EIF3E: variants seen among roughly 807,000 people sequenced by gnomAD.
The protein encoded by EIF3E is eukaryotic translation initiation factor 3 subunit E, also known as eIF-3 p48.
A neutral mutation model predicts 59.3 loss-of-function variants in EIF3E; 25 were observed. The ratio of observed to expected loss-of-function variants is 0.42; its 90% CI spans 0.31 to 0.59. The LOEUF (loss-of-function observed/expected upper bound fraction) is 0.59, where lower values mean the gene tolerates loss of function less well. Ranked by LOEUF, EIF3E falls within the 20% of genes least tolerant of loss-of-function variation. The pLI is 0.15. For synonymous variants in EIF3E, 176 were observed against 170.2 expected (o/e 1.03, Z -0.26); for missense variants, 317 against 534.3 (o/e 0.59, Z 4.01).
chr8:108,213,563 TC>T lies in EIF3E; in HGVS notation c.1061+1043del, dbSNP rs1182698582. Among the ~76,000 whole-genome samples the T allele has an allele frequency of 5.3e-5, 8 of 152,244 alleles. No individual in the cohort carries two copies. In the East Asian group the frequency reaches 1.5e-3, roughly 29 times the overall value. On this transcript the variant is annotated intron_variant, in intron 10 of 12. Transcript: ENST00000220849. ...TACAAGGGAAACCAAAATACTAACA[TC>T]CCTCTTTCACAAGCCCTAATTACAA...
At chr8:108,228,184 T>G in intron 7 of EIF3E, 83 bp downstream of exon 7, 1 of 1,359,468 alleles carries the variant, frequency 7.4e-7, no homozygotes, top group Non-Finnish European at 9.7e-7. Flanking sequence ...ATTCAAATGA[T>G]AGAAAAAAGT....
Position 108,201,865 on chromosome 8 carries a change from C to A in EIF3E, c.*20G>T. Reference sequence around the variant, plus strand: ...ATCTTTCTTTGATAGTTTTTTTTTTCATCTTTTCTTTATGGTTCTTCAGTA... The same window carrying A: ...ATCTTTCTTTGATAGTTTTTTTTTTAATCTTTTCTTTATGGTTCTTCAGTA... On this transcript the variant is annotated 3_prime_UTR_variant, in exon 13 of 13. Coordinates refer to ENST00000220849, the MANE Select transcript of EIF3E (RefSeq NM_001568.3). The A allele has an allele frequency of 6.9e-7, 1 of 1,455,580 alleles. No individual in the cohort carries two copies. Among genetic ancestry groups the A allele is most frequent in the South Asian group, 1.6e-5 (1 of 62,132 alleles). The allele number at this position is 1,455,580 out of a possible 1,614,324, so 90.2% of individuals were successfully genotyped here.
chr8:108,243,638 GAAAAAAAA>G (rs779684560), intron 1 of EIF3E, among the ~76,000 whole-genome samples: 3 of 70,978 alleles, frequency 4.2e-5, no homozygotes, highest in African/African-American at 1.4e-4. Flanking sequence ...CAAAAAAAAA[GAAAAAAAA>G]AAAAAAAAAA....
At chr8:108,228,475 G>A in intron 6 of EIF3E, 84 bp from the exon 7 acceptor site, 3 of 1,119,412 alleles carry the variant, frequency 2.7e-6, no homozygotes, top group Non-Finnish European at 3.5e-6. Flanking sequence ...CTTCAAAACT[G>A]TAATTAAAAA....
At chr8:108,240,456 G>A (rs187834633) in intron 2 of EIF3E, among the ~76,000 whole-genome samples, 2 of 152,220 alleles carry the variant, frequency 1.3e-5, no homozygotes, top group Admixed American at 1.3e-4. Flanking sequence ...TTTCTTAGGT[G>A]AATATTATCC....
intron 7 of EIF3E, among the ~76,000 whole-genome samples, chr8:108,220,966 C>T (rs1213876330): frequency 1.3e-5 from 2 of 151,928 alleles, no homozygotes; most frequent in Admixed American, 6.6e-5. Flanking sequence ...GTGAGTGAAC[C>T]GAGGCTGCAG....
intron 10 of EIF3E, among the ~76,000 whole-genome samples, chr8:108,213,747 CTACAG>C (rs1302101233): frequency 6.6e-6 from 1 of 152,162 alleles, no homozygotes; most frequent in African/African-American, 2.4e-5. Context: ...TGTCTGCAAG[CTACAG>C]TAAAGTGCTA....
At chr8:108,222,828 G>GTT (rs11320166) in intron 7 of EIF3E, among the ~76,000 whole-genome samples, 4 of 134,290 alleles carry the variant, frequency 3.0e-5, no homozygotes, top group Admixed American at 1.5e-4. Flanking sequence ...AATTTTCTTA[G>GTT]TTTTTTTTTT....
chr8:108,215,065 C>T (rs1243986381), intron 9 of EIF3E, among the ~76,000 whole-genome samples: 2 of 152,066 alleles, frequency 1.3e-5, no homozygotes, highest in Non-Finnish European at 2.9e-5. Flanking sequence ...AGTATTTCTA[C>T]AATATTAAGT....
chr8:108,207,074 A>G (rs1274331152), intron 10 of EIF3E, among the ~76,000 whole-genome samples: 2 of 152,246 alleles, frequency 1.3e-5, no homozygotes, highest in Non-Finnish European at 2.9e-5. Context: ...CCCAAGGAAT[A>G]CTAGTAAATA....
intron 10 of EIF3E, among the ~76,000 whole-genome samples, chr8:108,206,609 CACACA>C (rs1563626500): frequency 6.8e-6 from 1 of 147,134 alleles, no homozygotes; most frequent in Non-Finnish European, 1.5e-5. Flanking sequence ...CACACACACA[CACACA>C]CACTGGCATG....
In EIF3E at chr8:108,232,046, A is replaced by C. The variant is rs929944943; in HGVS notation, c.472-2851T>G. The stretch of plus-strand genomic sequence containing the variant: ...AAGTATTTAGAAATAAAAAAAGGCC[A>C]CTGCAAAAAATAAAATTAATTAACT... On this transcript the variant is annotated intron_variant, in intron 5 of 12. Coordinates refer to ENST00000220849, the MANE Select transcript of EIF3E (RefSeq NM_001568.3). 5.3e-5 allele frequency: 8 copies of C among 152,268 alleles called. No individual in the cohort carries two copies. The East Asian group carries it at 5.8e-4, about 11-fold the overall frequency. 9.4% of individuals were successfully genotyped at this position (152,268 alleles called of 1,614,324 possible). A position where few individuals can be genotyped will look rare whatever the true frequency, so the allele number is the denominator to read the frequency against.
intron 2 of EIF3E, 87 bp from the exon 3 acceptor site, chr8:108,240,162 G>T: frequency 9.6e-7 from 1 of 1,042,352 alleles, no homozygotes; most frequent in Non-Finnish European, 1.5e-6. Flanking sequence ...ATTTTTCAGT[G>T]TATTTAAACT....
chr8:108,214,929 T>C (rs1815274016), intron 9 of EIF3E, among the ~76,000 whole-genome samples: 1 of 152,250 alleles, frequency 6.6e-6, no homozygotes, highest in Non-Finnish European at 1.5e-5. Flanking sequence ...ATGTTTCTGA[T>C]AACTTTAATA....
At chr8:108,234,907 C>G (rs778144603) in intron 5 of EIF3E, 91 bp downstream of exon 5, 2 of 728,568 alleles carry the variant, frequency 2.7e-6, no homozygotes, top group Admixed American at 7.4e-5. Context: ...AATGAACAGA[C>G]CCAAATCTAT....
intron 1 of EIF3E, chr8:108,243,265 C>G (rs1815876629): frequency 6.6e-6 from 1 of 152,068 alleles, no homozygotes; most frequent in Non-Finnish European, 1.5e-5. Flanking sequence ...CAAAAACAGG[C>G]AAAATGAATC....
At chr8:108,236,079 G>T in intron 4 of EIF3E, 82 bp downstream of exon 4, 1 of 1,073,314 alleles carries the variant, frequency 9.3e-7, no homozygotes. Flanking sequence ...CTTAGGCCAA[G>T]CCATAAGCTC....
At chr8:108,243,539 G>A (rs1815883000) in intron 1 of EIF3E, 1 of 144,978 alleles carries the variant, frequency 6.9e-6, no homozygotes, top group African/African-American at 2.6e-5. Flanking sequence ...TGAGGCAGGA[G>A]AATGACGTGA....
intron 12 of EIF3E, among the ~76,000 whole-genome samples, chr8:108,202,285 A>C (rs1011118742): frequency 6.6e-6 from 1 of 152,098 alleles, no homozygotes; most frequent in Non-Finnish European, 1.5e-5. Flanking sequence ...TTGAATTCTA[A>C]TGCATCCTTC....
Sources: allele counts gnomAD v4.1 joint callset (sites outside exome capture counted in the v4.1 genomes callset), GRCh38; gene constraint gnomAD v4.1.1; transcripts MANE v1.5; gene names NCBI Gene and HGNC (gene_info 2026-07-23, HGNC 2026-07-21).